TMEM120B: variants seen among roughly 807,000 people sequenced by gnomAD.
The protein encoded by TMEM120B is transmembrane protein 120B.
A neutral mutation model predicts 55.5 loss-of-function variants in TMEM120B; 31 were observed. The ratio of observed to expected loss-of-function variants is 0.56; its 90% CI spans 0.42 to 0.75. The LOEUF is 0.75. Ranked by LOEUF, TMEM120B falls within the 30% of genes least tolerant of loss-of-function variation. TMEM120B has a pLI of 0.00. For synonymous variants in TMEM120B, 203 were observed against 176.3 expected (o/e 1.15, Z -1.20); for missense variants, 399 against 425.5 (o/e 0.94, Z 0.55).
At chr12:121,739,527 C>T (rs983391650) in intron 1 of TMEM120B, among the ~76,000 whole-genome samples, 2 of 152,014 alleles carry the variant, frequency 1.3e-5, no homozygotes, top group East Asian at 1.9e-4. Flanking sequence ...GGCTGGAGTG[C>T]AGTGACACGA....
At chr12:121,720,298 A>G (rs1221420287) in intron 1 of TMEM120B, among the ~76,000 whole-genome samples, 3 of 152,222 alleles carry the variant, frequency 2.0e-5, no homozygotes, top group Non-Finnish European at 4.4e-5. Context: ...TGTCCCGCAC[A>G]GGACGCATAC....
chr12:121,770,278 A>C (rs1317373332), intron 6 of TMEM120B, among the ~76,000 whole-genome samples: 1 of 152,010 alleles, frequency 6.6e-6, no homozygotes, highest in African/African-American at 2.4e-5. Flanking sequence ...CTCTGTGCAC[A>C]AACAGCCCTG....
At chr12:121,725,657 A>G (rs1358920746) in intron 1 of TMEM120B, among the ~76,000 whole-genome samples, 1 of 152,192 alleles carries the variant, frequency 6.6e-6, no homozygotes, top group East Asian at 1.9e-4. Context: ...GATCCATGCT[A>G]CAAAAACATG....
intron 3 of TMEM120B, among the ~76,000 whole-genome samples, chr12:121,749,917 A>C (rs998007541): frequency 6.7e-5 from 10 of 149,340 alleles, no homozygotes; most frequent in East Asian, 3.9e-4. Flanking sequence ...AAAAAAAAAA[A>C]AAACAAAAAA....
In TMEM120B at chr12:121,775,352, G is replaced by C; in HGVS notation, c.906+222G>C. ...TTGTGGGGGGCCTGCTTGGCGGGAG[G>C]CTTCTGGAAGGGCTAGGGGTGGAGC... On this transcript the variant is annotated intron_variant, in intron 11 of 11. Coordinates refer to ENST00000449592, the MANE Select transcript of TMEM120B (RefSeq NM_001080825.2). The surrounding 1 kb of genome is among the most constrained non-coding windows in gnomAD (Gnocchi z 4.3). 1 of 904,010 alleles carries C rather than the reference G, an allele frequency of 1.1e-6. No individual in the cohort carries two copies. Among genetic ancestry groups the C allele is most frequent in the South Asian group, 5.1e-5 (1 of 19,740 alleles). The allele number at this position is 904,010 out of a possible 1,614,324, so 56.0% of individuals were successfully genotyped here.
In TMEM120B at chr12:121,712,817, C is replaced by T. The variant is rs1894624107; in HGVS notation, c.-79C>T. ...CCTCCGAGGGCGGTCGGCGAGCGCGCGGGCGTGGGGCGCTGGGGGGCCGGT... is the reference window on the plus strand; with the variant it reads ...CCTCCGAGGGCGGTCGGCGAGCGCGTGGGCGTGGGGCGCTGGGGGGCCGGT... On this transcript the variant is annotated 5_prime_UTR_variant, in exon 1 of 12. Coordinates refer to ENST00000449592, the MANE Select transcript of TMEM120B (RefSeq NM_001080825.2). 4 of 1,111,678 alleles carry T rather than the reference C, an allele frequency of 3.6e-6. No individual in the cohort carries two copies. Among genetic ancestry groups the T allele is most frequent in the African/African-American group, 1.7e-5 (1 of 60,548 alleles). The allele number at this position is 1,111,678 out of a possible 1,614,324, so 68.9% of individuals were successfully genotyped here. A position where few individuals can be genotyped will look rare whatever the true frequency, so the allele number is the denominator to read the frequency against.
intron 1 of TMEM120B, among the ~76,000 whole-genome samples, chr12:121,713,309 AC>A (rs2136933200): frequency 6.6e-6 from 1 of 150,582 alleles, no homozygotes; most frequent in African/African-American, 2.4e-5. Context: ...CCCAGCCCCC[AC>A]CTCTGCAGGG....
chr12:121,760,614 C>T (rs147756800), intron 5 of TMEM120B, among the ~76,000 whole-genome samples: 106 of 152,328 alleles, frequency 7.0e-4, no homozygotes, highest in African/African-American at 2.4e-3. Context: ...AGTGCACGTG[C>T]TTGAGCCCAC....
At chr12:121,727,088 C>G (rs561879639) in intron 1 of TMEM120B, among the ~76,000 whole-genome samples, 2 of 151,902 alleles carry the variant, frequency 1.3e-5, no homozygotes, top group East Asian at 3.9e-4. Flanking sequence ...TAAATAGATA[C>G]ATACAAATAA....
chr12:121,725,866 A>G (rs1200040601), intron 1 of TMEM120B, among the ~76,000 whole-genome samples: 1 of 151,790 alleles, frequency 6.6e-6, no homozygotes, highest in African/African-American at 2.4e-5. Context: ...GTGAAACCGC[A>G]TCTCTACTAT....
chr12:121,719,738 A>T (rs1327302123), intron 1 of TMEM120B, among the ~76,000 whole-genome samples: 1 of 151,886 alleles, frequency 6.6e-6, no homozygotes. Context: ...CTTGTTGTCC[A>T]GGCTGGAGTA....
chr12:121,746,183 C>A (rs898655588), intron 2 of TMEM120B, among the ~76,000 whole-genome samples: 1 of 148,234 alleles, frequency 6.7e-6, no homozygotes, highest in Non-Finnish European at 1.5e-5. Flanking sequence ...CTTAAACCGC[C>A]CCCCCACTTT....
At chr12:121,773,591 G>A (rs1874135679) in intron 9 of TMEM120B, 78 bp downstream of exon 9, 6 of 1,135,544 alleles carry the variant, frequency 5.3e-6, no homozygotes, top group Non-Finnish European at 6.2e-6. Context: ...GCAGCCCTGC[G>A]AGCACCTCCC....
intron 1 of TMEM120B, among the ~76,000 whole-genome samples, chr12:121,730,657 A>AAC (rs1166016026): frequency 6.8e-6 from 1 of 147,474 alleles, no homozygotes; most frequent in East Asian, 2.0e-4. Context: ...CAAAAAAAAA[A>AAC]AAAAAACAAA....
intron 6 of TMEM120B, among the ~76,000 whole-genome samples, chr12:121,770,107 A>G (rs983908065): frequency 6.6e-6 from 1 of 152,110 alleles, no homozygotes; most frequent in Non-Finnish European, 1.5e-5. Flanking sequence ...GTGTAGCTGT[A>G]GGAAGTACCG....
At chr12:121,746,033 A>G (rs1289521767) in intron 2 of TMEM120B, among the ~76,000 whole-genome samples, 7 of 146,076 alleles carry the variant, frequency 4.8e-5, no homozygotes, top group Admixed American at 4.2e-4. Context: ...GCTGATTTTT[A>G]TATTTTCAGT....
intron 4 of TMEM120B, 103 bp downstream of exon 4, chr12:121,750,542 ACCCACACCAACAC>A (rs1873246114): frequency 5.1e-6 from 4 of 778,228 alleles, no homozygotes; most frequent in Non-Finnish European, 6.2e-6. Context: ...CCACATCCAC[ACCCACACCAACAC>A]CCCACACCTC....
At chr12:121,772,645 ACTC>A (rs1338767909) in intron 8 of TMEM120B, among the ~76,000 whole-genome samples, 1 of 148,342 alleles carries the variant, frequency 6.7e-6, no homozygotes, top group African/African-American at 2.5e-5. Context: ...CTGGTCTTGA[ACTC>A]CTGGCCTCAA....
At chr12:121,726,816 G>A (rs1894904034) in intron 1 of TMEM120B, among the ~76,000 whole-genome samples, 2 of 148,208 alleles carry the variant, frequency 1.3e-5, no homozygotes, top group Non-Finnish European at 3.0e-5. Context: ...CTGAGGCAGG[G>A]AGAATTGCTT....
Sources: gnomAD v4.1 joint callset for allele counts (sites outside exome capture counted in the v4.1 genomes callset) on GRCh38, gnomAD v4.1.1 for gene constraint, Gnocchi (gnomAD v3.1) non-coding constraint, MANE v1.5 for transcripts, NCBI Gene and HGNC (gene_info 2026-07-23, HGNC 2026-07-21) for gene names.